Variants in MALRD1 observed in about 807,000 individuals in gnomAD.
The protein encoded by MALRD1 is MAM and LDL-receptor class A domain-containing protein 1.
MALRD1 carries 247 observed loss-of-function variants against 242.1 expected under a neutral mutation model. The ratio of observed to expected loss-of-function variants is 1.02; its 90% CI spans 0.92 to 1.13. The LOEUF (loss-of-function observed/expected upper bound fraction) is 1.13, where lower values mean the gene tolerates loss of function less well. Ranked by LOEUF, MALRD1 falls within the 50% of genes most tolerant of loss-of-function variation. The pLI is 0.00. For missense variants in MALRD1, 2,989 were observed against 2,533.1 expected, an observed-to-expected ratio of 1.18 and a Z score of -3.86; for synonymous variants, 995 against 866.6, an observed-to-expected ratio of 1.15 and a Z score of -2.60.
chr10:19,192,609 C>A (rs1477373698), intron 14 of MALRD1, among the ~76,000 whole-genome samples: 1 of 152,140 alleles, frequency 6.6e-6, no homozygotes, highest in African/African-American at 2.4e-5. Flanking sequence ...CCAGATAGAG[C>A]CATCGTACCT....
At chr10:19,670,056 C>T (rs1224558623) in intron 36 of MALRD1, among the ~76,000 whole-genome samples, 3 of 141,538 alleles carry the variant, frequency 2.1e-5, no homozygotes, top group Non-Finnish European at 4.5e-5. Context: ...TGCCCTCTTC[C>T]CTCGCACGTG....
At chr10:19,587,699 A>T (rs1210130212) in intron 33 of MALRD1, among the ~76,000 whole-genome samples, 1 of 152,230 alleles carries the variant, frequency 6.6e-6, no homozygotes, top group Non-Finnish European at 1.5e-5. Context: ...CAATATCAGG[A>T]ACTGGAACTG....
intron 29 of MALRD1, among the ~76,000 whole-genome samples, chr10:19,451,535 G>T (rs1835327606): frequency 6.6e-6 from 1 of 152,152 alleles, no homozygotes; most frequent in African/African-American, 2.4e-5. Context: ...TCCTGTGTGA[G>T]ATATACTGCC....
chr10:19,493,054 G>C (rs542816398), intron 30 of MALRD1, among the ~76,000 whole-genome samples: 1 of 151,956 alleles, frequency 6.6e-6, no homozygotes, highest in African/African-American at 2.4e-5. Flanking sequence ...TAATTTAATG[G>C]CATTAAGTAC....
At chr10:19,625,707 C>T (rs1839622833) in intron 36 of MALRD1, among the ~76,000 whole-genome samples, 1 of 152,110 alleles carries the variant, frequency 6.6e-6, no homozygotes, top group South Asian at 2.1e-4. Context: ...GGGGGTACTG[C>T]ACTTGCTGAA....
At chr10:19,406,056 A>T (rs72784329) in intron 28 of MALRD1, among the ~76,000 whole-genome samples, 20,468 of 152,074 alleles carry the variant, frequency 0.13, 1,489 homozygotes, top group East Asian at 0.24. Context: ...TGGGCAAATT[A>T]TTTAGAATCC....
At chr10:19,378,615 C>T (rs1845704774) in intron 26 of MALRD1, among the ~76,000 whole-genome samples, 1 of 152,062 alleles carries the variant, frequency 6.6e-6, no homozygotes, top group Non-Finnish European at 1.5e-5. Context: ...ATTTTCCCTT[C>T]ATTTTGTTTA....
intron 28 of MALRD1, among the ~76,000 whole-genome samples, chr10:19,427,536 A>G (rs1183205137): frequency 2.0e-5 from 3 of 152,176 alleles, no homozygotes; most frequent in Non-Finnish European, 4.4e-5. Context: ...TTAGCTCTCT[A>G]GTTCCTAGTA....
chr10:19,571,992 T>A (rs961510020), intron 33 of MALRD1, among the ~76,000 whole-genome samples: 2 of 152,170 alleles, frequency 1.3e-5, no homozygotes, highest in African/African-American at 4.8e-5. Flanking sequence ...TTGTCGTTTT[T>A]ACCACCACCA....
chr10:19,591,663 A>G (rs1200653365), intron 33 of MALRD1, among the ~76,000 whole-genome samples: 1 of 151,976 alleles, frequency 6.6e-6, no homozygotes, highest in Non-Finnish European at 1.5e-5. Flanking sequence ...CACGCAGGCT[A>G]ATTTTTGTAT....
intron 29 of MALRD1, among the ~76,000 whole-genome samples, chr10:19,454,879 A>G (rs1835563954): frequency 1.3e-5 from 2 of 152,250 alleles, no homozygotes; most frequent in South Asian, 2.1e-4. Context: ...AATTTATTAG[A>G]TAATATTTAG....
intron 36 of MALRD1, among the ~76,000 whole-genome samples, chr10:19,666,694 AT>A (rs1417837915): frequency 1.4e-4 from 21 of 152,190 alleles, no homozygotes; most frequent in Non-Finnish European, 2.6e-4. Flanking sequence ...CTATAACTGC[AT>A]TAGAGCAGCT....
At chr10:19,350,608 C>T (rs562676862) in intron 25 of MALRD1, among the ~76,000 whole-genome samples, 1 of 152,198 alleles carries the variant, frequency 6.6e-6, no homozygotes, top group South Asian at 2.1e-4. Flanking sequence ...ACTCTCACTA[C>T]CCTGTGTTAG....
intron 29 of MALRD1, among the ~76,000 whole-genome samples, chr10:19,476,580 G>A (rs1836744134): frequency 6.6e-6 from 1 of 152,122 alleles, no homozygotes; most frequent in Non-Finnish European, 1.5e-5. Context: ...CTGCCTTGCT[G>A]GTGTGCTTAC....
intron 36 of MALRD1, among the ~76,000 whole-genome samples, chr10:19,671,620 C>T (rs952188516): frequency 3.3e-5 from 5 of 151,696 alleles, no homozygotes; most frequent in African/African-American, 1.2e-4. Context: ...AGCGAGACTC[C>T]GTCTCAAAAA....
chr10:19,329,633 T>C (rs1023339602), intron 23 of MALRD1, among the ~76,000 whole-genome samples: 16 of 152,212 alleles, frequency 1.1e-4, no homozygotes, highest in African/African-American at 3.9e-4. Flanking sequence ...GTTCTAGTTA[T>C]GTAACTACAA....
intron 33 of MALRD1, among the ~76,000 whole-genome samples, chr10:19,588,566 A>AT (rs1837570230): frequency 6.6e-6 from 1 of 152,150 alleles, no homozygotes; most frequent in Non-Finnish European, 1.5e-5. Flanking sequence ...TGATTGTGGG[A>AT]TTTTCTGTTG....
intron 18 of MALRD1, among the ~76,000 whole-genome samples, chr10:19,256,157 A>G (rs1393885484): frequency 2.0e-5 from 3 of 151,954 alleles, no homozygotes; most frequent in Non-Finnish European, 4.4e-5. Flanking sequence ...AGTCAATAGT[A>G]TTTATTTTTA....
chr10:19,527,550 A>G (rs1834159148), intron 31 of MALRD1, among the ~76,000 whole-genome samples: 2 of 152,200 alleles, frequency 1.3e-5, no homozygotes, highest in Non-Finnish European at 2.9e-5. Context: ...ATGGAAAAAG[A>G]AATATTTAAA....
Sources: gnomAD v4.1 joint callset for allele counts (sites outside exome capture counted in the v4.1 genomes callset) on GRCh38, gnomAD v4.1.1 for gene constraint, MANE v1.5 for transcripts, NCBI Gene and HGNC (gene_info 2026-07-23, HGNC 2026-07-21) for gene names.